The following UTRN variants were observed in gnomAD, a reference collection of about 807,000 sequenced individuals.
The protein encoded by UTRN is dystrophin-related protein 1.
A neutral mutation model predicts 463.9 loss-of-function variants in UTRN; 283 were observed. The ratio of observed to expected loss-of-function variants is 0.61; its 90% CI spans 0.55 to 0.67. The LOEUF is 0.67. UTRN is among the 30% of genes least tolerant of loss of function. The probability of loss-of-function intolerance (pLI) is 0.00; values close to 1 mark genes in which losing one functional copy is unlikely to be tolerated. For missense variants in UTRN, 3,922 were observed against 4,084.3 expected (o/e 0.96, Z 1.08); for synonymous variants, 1,442 against 1,431.5 (o/e 1.01, Z -0.17).
At chr6:144,329,114 A>T (rs1309197632) in intron 2 of UTRN, among the ~76,000 whole-genome samples, 5 of 127,762 alleles carry the variant, frequency 3.9e-5, no homozygotes, top group African/African-American at 1.3e-4. Context: ...ATGGAGTCTC[A>T]CTCTGTCACC....
chr6:144,626,618 C>CTGTA (rs1332370430), intron 51 of UTRN, among the ~76,000 whole-genome samples: 1 of 152,220 alleles, frequency 6.6e-6, no homozygotes, highest in Non-Finnish European at 1.5e-5. Flanking sequence ...ATTGCTGCCT[C>CTGTA]TGTAGCAAGT....
intron 73 of UTRN, among the ~76,000 whole-genome samples, chr6:144,844,621 T>G (rs913494201): frequency 6.6e-6 from 1 of 152,216 alleles, no homozygotes; most frequent in African/African-American, 2.4e-5. Flanking sequence ...GCTGGGAAGG[T>G]TTCCTTGTAG....
intron 33 of UTRN, among the ~76,000 whole-genome samples, chr6:144,494,325 G>A (rs1378333456): frequency 6.6e-6 from 1 of 152,156 alleles, no homozygotes; most frequent in African/African-American, 2.4e-5. Context: ...TGCAGTGAGT[G>A]TTACAGCTCT....
Position 144,474,881 on chromosome 6 carries a change from A to C in UTRN, c.3336+122A>C, listed in dbSNP as rs908456432. 2.0e-5 allele frequency: 23 copies of C among 1,149,872 alleles called. No individual in the cohort carries two copies. In the East Asian group the frequency reaches 4.9e-4, roughly 24 times the overall value. The allele number at this position is 1,149,872 out of a possible 1,614,324, so 71.2% of individuals were successfully genotyped here. Reference sequence around the variant, plus strand: ...AACGATGGTCTAGAATAACTCCAGCATGGGTAGTGAGCTGGGGCCAAAAAA... The same window carrying C: ...AACGATGGTCTAGAATAACTCCAGCCTGGGTAGTGAGCTGGGGCCAAAAAA... On this transcript the variant is annotated intron_variant, in intron 25 of 74. Coordinates refer to ENST00000367545, the MANE Select transcript of UTRN (RefSeq NM_007124.3).
At chr6:144,752,726 CTTTA>C (rs894776705) in intron 56 of UTRN, among the ~76,000 whole-genome samples, 36 of 152,038 alleles carry the variant, frequency 2.4e-4, no homozygotes, top group African/African-American at 8.7e-4. Context: ...AATATTTGTT[CTTTA>C]TTCTTTTTTT....
intron 57 of UTRN, 27 bp downstream of exon 57, chr6:144,754,825 G>A (rs375251416): frequency 7.0e-5 from 112 of 1,589,950 alleles, no homozygotes; most frequent in Middle Eastern, 1.7e-4. Flanking sequence ...TGGACTGATC[G>A]CATTAATTGA....
intron 53 of UTRN, among the ~76,000 whole-genome samples, chr6:144,729,749 A>C (rs1788320763): frequency 6.6e-6 from 1 of 152,248 alleles, no homozygotes; most frequent in Non-Finnish European, 1.5e-5. Context: ...ATTTGCATGA[A>C]AAACCTCACA....
chr6:144,633,319 T>A (rs1013713169), intron 51 of UTRN, among the ~76,000 whole-genome samples: 5 of 147,516 alleles, frequency 3.4e-5, no homozygotes, highest in African/African-American at 1.0e-4. Context: ...AAGCTCCGCC[T>A]CCCGGGTTCA....
intron 51 of UTRN, among the ~76,000 whole-genome samples, chr6:144,640,653 A>G (rs1415503484): frequency 6.6e-6 from 1 of 152,148 alleles, no homozygotes; most frequent in East Asian, 1.9e-4. Context: ...TCTCATGAAA[A>G]TTGCTATATA....
At chr6:144,522,509 T>A (rs1796194992) in intron 40 of UTRN, among the ~76,000 whole-genome samples, 1 of 152,200 alleles carries the variant, frequency 6.6e-6, no homozygotes, top group Non-Finnish European at 1.5e-5. Flanking sequence ...AGGCAATCTA[T>A]AATGGTTTAA....
At chr6:144,700,832 C>T (rs953114928) in intron 53 of UTRN, among the ~76,000 whole-genome samples, 2 of 152,130 alleles carry the variant, frequency 1.3e-5, no homozygotes, top group Middle Eastern at 3.4e-3. Context: ...CTCCCAGGTT[C>T]AAGTGATTCT....
chr6:144,774,559 C>A (rs960011321), intron 60 of UTRN, among the ~76,000 whole-genome samples, 195 bp downstream of exon 60: 3 of 151,978 alleles, frequency 2.0e-5, no homozygotes, highest in African/African-American at 7.3e-5. Context: ...TGAACACATG[C>A]CATTCTTACT....
intron 51 of UTRN, among the ~76,000 whole-genome samples, chr6:144,657,250 CAAAAAAAAAAA>C (rs11400052): frequency 2.9e-5 from 2 of 68,868 alleles, no homozygotes; most frequent in Admixed American, 3.1e-4. Context: ...AACTCCATCT[CAAAAAAAAAAA>C]AAAAAAAAAA....
intron 2 of UTRN, among the ~76,000 whole-genome samples, chr6:144,399,886 C>T (rs886841455): frequency 6.6e-6 from 1 of 152,138 alleles, no homozygotes; most frequent in Non-Finnish European, 1.5e-5. Context: ...ACTTCTTTTA[C>T]CTATCACAGA....
intron 53 of UTRN, among the ~76,000 whole-genome samples, chr6:144,715,384 T>A (rs1322506357): frequency 2.0e-5 from 3 of 152,064 alleles, no homozygotes; most frequent in African/African-American, 7.2e-5. Context: ...GCAACCAGAG[T>A]GTTCCTATTA....
chr6:144,607,157 C>A (rs1804941233), intron 51 of UTRN, among the ~76,000 whole-genome samples: 1 of 152,052 alleles, frequency 6.6e-6, no homozygotes, highest in South Asian at 2.1e-4. Context: ...AATGTTGAGC[C>A]AGAAATTATG....
chr6:144,790,957 A>G (rs888854042), intron 62 of UTRN, among the ~76,000 whole-genome samples: 2 of 152,172 alleles, frequency 1.3e-5, no homozygotes, highest in Non-Finnish European at 2.9e-5. Flanking sequence ...TTGGCAGGGG[A>G]AGCAGAAGGC....
chr6:144,317,489 C>T (rs1057141435), intron 2 of UTRN, among the ~76,000 whole-genome samples: 8 of 152,030 alleles, frequency 5.3e-5, no homozygotes, highest in Admixed American at 3.3e-4. Flanking sequence ...CTCTGCCTCT[C>T]GGGTTCAAGC....
intron 49 of UTRN, among the ~76,000 whole-genome samples, 168 bp from the exon 50 acceptor site, chr6:144,556,989 A>G (rs1440787534): frequency 6.6e-6 from 1 of 152,208 alleles, no homozygotes; most frequent in African/African-American, 2.4e-5. Flanking sequence ...CACTTCTACT[A>G]ATTTTGGTTT....
Sources: allele counts gnomAD v4.1 joint callset (sites outside exome capture counted in the v4.1 genomes callset), GRCh38; gene constraint gnomAD v4.1.1; transcripts MANE v1.5; gene names NCBI Gene and HGNC (gene_info 2026-07-23, HGNC 2026-07-21).